The following CFAP251 variants were observed in gnomAD, a reference collection of about 807,000 sequenced individuals.
CFAP251 encodes the protein cilia- and flagella-associated protein 251.
Under a neutral mutation model 126.7 loss-of-function variants are expected in CFAP251, and 93 were observed. The observed-to-expected ratio is 0.73, with a 90% CI of 0.62 to 0.87. CFAP251 has a LOEUF of 0.87. CFAP251 is among the 40% of genes least tolerant of loss of function. The probability of loss-of-function intolerance (pLI) is 0.00; values close to 1 mark genes in which losing one functional copy is unlikely to be tolerated. For missense variants in CFAP251, 1,287 were observed against 1,389.2 expected (o/e 0.93, Z 1.17); for synonymous variants, 503 against 506.9 (o/e 0.99, Z 0.10).
In CFAP251 at chr12:121,951,472, C is replaced by T. The variant is rs929519936; in HGVS notation, c.1270-8C>T. ...TTTTGAGTAGTGATTATTTTTTCCT[C>T]TTATCAGTATGAAGAGAGGGATACA... On this transcript the variant is annotated splice_region_variant and splice_polypyrimidine_tract_variant and intron_variant, in intron 8 of 21. Transcript: ENST00000288912. 3 of 1,543,974 alleles carry T rather than the reference C, an allele frequency of 1.9e-6. No homozygotes were observed. The highest frequency in any genetic ancestry group is 2.4e-5 in the South Asian group (2 of 83,536).
chr12:121,976,891 G>A (rs535047313), intron 19 of CFAP251, among the ~76,000 whole-genome samples: 1 of 152,316 alleles, frequency 6.6e-6, no homozygotes, highest in East Asian at 1.9e-4. Flanking sequence ...CTGGGAGACA[G>A]AGCGAGACCC....
chr12:121,958,191 A>T, intron 11 of CFAP251, 81 bp from the exon 12 acceptor site: 13 of 1,559,408 alleles, frequency 8.3e-6, no homozygotes, highest in East Asian at 4.6e-5. Context: ...GAGGCGTTTT[A>T]TGTGCAATTA....
At chr12:121,946,969 G>C (rs1881348655) in intron 7 of CFAP251, among the ~76,000 whole-genome samples, 1 of 152,114 alleles carries the variant, frequency 6.6e-6, no homozygotes, top group South Asian at 2.1e-4. Flanking sequence ...TTGAACCTGA[G>C]ATGTTATATC....
At chr12:121,946,776 G>A (rs371500192) in intron 7 of CFAP251, among the ~76,000 whole-genome samples, 8 of 151,050 alleles carry the variant, frequency 5.3e-5, no homozygotes, top group Non-Finnish European at 8.8e-5. Flanking sequence ...ATGGGGTCTC[G>A]CTGTGTTGCC....
At chr12:121,977,588 A>G (rs1406360328) in intron 19 of CFAP251, among the ~76,000 whole-genome samples, 2 of 152,052 alleles carry the variant, frequency 1.3e-5, no homozygotes, top group African/African-American at 4.8e-5. Flanking sequence ...TGAACCCAGG[A>G]GGCGGAGGTT....
At chr12:121,990,945 C>A (rs1882862927) in intron 19 of CFAP251, among the ~76,000 whole-genome samples, 1 of 152,160 alleles carries the variant, frequency 6.6e-6, no homozygotes, top group African/African-American at 2.4e-5. Context: ...TATTTGCTGA[C>A]CCCAGTGACT....
intron 4 of CFAP251, 132 bp from the exon 5 acceptor site, chr12:121,934,115 G>A: frequency 3.1e-6 from 2 of 642,128 alleles, no homozygotes; most frequent in East Asian, 5.9e-5. Context: ...AGGCCAGCGG[G>A]AACAGAATTT....
chr12:121,957,564 C>T (rs1026554351), intron 11 of CFAP251, among the ~76,000 whole-genome samples: 1 of 151,966 alleles, frequency 6.6e-6, no homozygotes, highest in African/African-American at 2.4e-5. Flanking sequence ...ATTAGCCGGG[C>T]GTGGTGACGG....
chr12:121,932,798 A>C (rs1880743429), intron 4 of CFAP251: 1 of 152,392 alleles, frequency 6.6e-6, no homozygotes, highest in East Asian at 1.9e-4. Context: ...GTCCAGAAAT[A>C]CGCAGGCAGA....
rs527364035 is a variant in CFAP251 at position 121,969,180 on chromosome 12, A to G, written c.2771+1011A>G. On this transcript the variant is annotated intron_variant, in intron 17 of 21. Transcript: ENST00000288912. The stretch of plus-strand genomic sequence containing the variant: ...GTACCCCCTGCCATCTGCCAAATGC[A>G]CATCTTTCTTTTTATGGCAGATATT... 3.5e-5 allele frequency: 34 copies of G among 985,436 alleles called. No individual in the cohort carries two copies. In the South Asian group the frequency reaches 1.1e-3, roughly 31 times the overall value. The allele number at this position is 985,436 out of a possible 1,614,324, so 61.0% of individuals were successfully genotyped here. A position where few individuals can be genotyped will look rare whatever the true frequency, so the allele number is the denominator to read the frequency against.
At chr12:121,941,029 T>C (rs114092311) in intron 5 of CFAP251, among the ~76,000 whole-genome samples, 1,657 of 152,250 alleles carry the variant, frequency 0.011, 21 homozygotes, top group African/African-American at 0.037. Flanking sequence ...TTTTTTATTT[T>C]TATGTCTTTA....
intron 17 of CFAP251, among the ~76,000 whole-genome samples, chr12:121,970,783 G>T (rs1489699607): frequency 6.6e-6 from 1 of 152,238 alleles, no homozygotes; most frequent in East Asian, 1.9e-4. Context: ...AGCACTTGCT[G>T]TCTACTTGGC....
At chr12:121,957,642 T>C (rs1881774688) in intron 11 of CFAP251, among the ~76,000 whole-genome samples, 1 of 146,004 alleles carries the variant, frequency 6.8e-6, no homozygotes, top group African/African-American at 2.6e-5. Context: ...AGACGGAGCT[T>C]GCAGTGAGCT....
chr12:121,963,819 T>C (rs1882030664), intron 15 of CFAP251, among the ~76,000 whole-genome samples: 1 of 151,356 alleles, frequency 6.6e-6, no homozygotes, highest in Non-Finnish European at 1.5e-5. Flanking sequence ...CCCTTGACCC[T>C]AGCCCTGACC....
At chr12:121,945,266 G>A (rs1339760594) in intron 7 of CFAP251, among the ~76,000 whole-genome samples, 2 of 152,090 alleles carry the variant, frequency 1.3e-5, no homozygotes, top group Admixed American at 6.5e-5. Flanking sequence ...GTTCACTCTC[G>A]CTTCACTCTC....
intron 2 of CFAP251, among the ~76,000 whole-genome samples, chr12:121,923,002 A>G (rs945970644): frequency 2.6e-5 from 4 of 151,514 alleles, no homozygotes; most frequent in South Asian, 2.1e-4. Flanking sequence ...TCACCATGTT[A>G]GCCAGGATGG....
At chr12:121,949,661 T>C (rs1881452800) in intron 8 of CFAP251, 1 of 152,202 alleles carries the variant, frequency 6.6e-6, no homozygotes, top group African/African-American at 2.4e-5. Flanking sequence ...GGCAGGAGGA[T>C]CACTTGAGGC....
At chr12:121,977,771 C>CA (rs1158565603) in intron 19 of CFAP251, among the ~76,000 whole-genome samples, 1 of 150,230 alleles carries the variant, frequency 6.7e-6, no homozygotes. Flanking sequence ...CTGGCTAACA[C>CA]GGTGAAACCC....
intron 18 of CFAP251, 50 bp downstream of exon 18, chr12:121,975,384 TA>T: frequency 1.3e-6 from 2 of 1,590,354 alleles, no homozygotes; most frequent in Non-Finnish European, 1.7e-6. Flanking sequence ...GTTAAGTTTG[TA>T]AAGCAAATGT....
Sources: allele counts gnomAD v4.1 joint callset (sites outside exome capture counted in the v4.1 genomes callset), GRCh38; gene constraint gnomAD v4.1.1; transcripts MANE v1.5; gene names NCBI Gene and HGNC (gene_info 2026-07-23, HGNC 2026-07-21).